GPM6A: variants seen among roughly 807,000 people sequenced by gnomAD.
The protein encoded by GPM6A is glycoprotein M6A.
GPM6A carries 7 observed loss-of-function variants against 32.1 expected under a neutral mutation model. The ratio of observed to expected loss-of-function variants is 0.22; its 90% CI spans 0.12 to 0.41. The LOEUF (loss-of-function observed/expected upper bound fraction) is 0.41. GPM6A is among the 10% of genes least tolerant of loss of function. GPM6A has a pLI of 1.00. For missense variants in GPM6A, 235 were observed against 347.2 expected, an observed-to-expected ratio of 0.68 and a Z score of 2.57; for synonymous variants, 130 against 123.4, an observed-to-expected ratio of 1.05 and a Z score of -0.35.
intron 1 of GPM6A, among the ~76,000 whole-genome samples, chr4:175,964,530 T>C (rs1391847814): frequency 6.6e-6 from 1 of 152,228 alleles, no homozygotes; most frequent in East Asian, 1.9e-4. Context: ...TTCTTTCTCC[T>C]TGGCTTGAAG....
Position 175,772,387 on chromosome 4 carries a change from A to G in GPM6A, c.37+39804T>C, listed in dbSNP as rs1175274530. ...GGTTAGGAGGATGAAGAGCAATGTG[A>G]GAGAAGAATGTCGCATGCTTGCAAG... On this transcript the variant is annotated intron_variant, in intron 1 of 6. Coordinates refer to ENST00000393658, the MANE Select transcript of GPM6A (RefSeq NM_201591.3). Among the ~76,000 whole-genome samples the G allele has an allele frequency of 2.0e-5, 3 of 152,196 alleles. No individual in the cohort carries two copies. The East Asian group carries it at 5.8e-4, about 29-fold the overall frequency.
chr4:175,892,013 T>C (rs1318971497), intron 1 of GPM6A, among the ~76,000 whole-genome samples: 2 of 152,220 alleles, frequency 1.3e-5, no homozygotes, highest in Non-Finnish European at 2.9e-5. Flanking sequence ...GTATGTGTGT[T>C]GACACAGACT....
intron 1 of GPM6A, among the ~76,000 whole-genome samples, chr4:175,846,087 C>A (rs2111393712): frequency 6.6e-6 from 1 of 152,138 alleles, no homozygotes; most frequent in South Asian, 2.1e-4. Flanking sequence ...TCTTTTCAAG[C>A]CCTAATGTGT....
In GPM6A at chr4:175,743,201, AAG is replaced by A. The variant is rs1491010398; in HGVS notation, c.38-41436_38-41435del. On this transcript the variant is annotated intron_variant, in intron 1 of 6. Transcript: ENST00000393658. Reference sequence around the variant, plus strand: ...CTAGATTAACACTGATTAAAAAAAAAAGTATGTGGTTCAAAATATAAGTACAA... The same window carrying A: ...CTAGATTAACACTGATTAAAAAAAAATATGTGGTTCAAAATATAAGTACAA... 9.3e-5 allele frequency among the ~76,000 whole-genome samples: 14 copies of A among 151,074 alleles called. No homozygotes were observed. The East Asian group carries it at 1.7e-3, about 18-fold the overall frequency.
chr4:175,944,820 C>G (rs147900586), intron 1 of GPM6A, among the ~76,000 whole-genome samples: 45 of 152,150 alleles, frequency 3.0e-4, no homozygotes, highest in African/African-American at 8.7e-4. Context: ...AGGAAACCAG[C>G]GCAACACTAT....
chr4:175,886,855 C>T (rs1737476463), intron 1 of GPM6A, among the ~76,000 whole-genome samples: 1 of 151,726 alleles, frequency 6.6e-6, no homozygotes, highest in Non-Finnish European at 1.5e-5. Context: ...TTTTGGAAAT[C>T]TGTCTATGTC....
intron 1 of GPM6A, among the ~76,000 whole-genome samples, chr4:175,968,755 A>C (rs1369260142): frequency 6.6e-6 from 1 of 152,226 alleles, no homozygotes; most frequent in East Asian, 1.9e-4. Context: ...AGAATGGCAA[A>C]AATCCAAAAC....
At chr4:175,715,936 A>G (rs1190342058) in intron 1 of GPM6A, among the ~76,000 whole-genome samples, 2 of 152,108 alleles carry the variant, frequency 1.3e-5, no homozygotes, top group Non-Finnish European at 2.9e-5. Context: ...GTGGTGGCAC[A>G]TGCCTGTAAT....
intron 1 of GPM6A, among the ~76,000 whole-genome samples, chr4:175,859,300 T>A (rs976532048): frequency 1.3e-5 from 2 of 151,966 alleles, no homozygotes; most frequent in Non-Finnish European, 2.9e-5. Flanking sequence ...AAAAAAGAAA[T>A]CCAAAGAAAT....
rs562917824 is a variant in GPM6A at position 175,700,650 on chromosome 4, A to G, written c.230+925T>C. 8.5e-5 allele frequency among the ~76,000 whole-genome samples: 13 copies of G among 152,342 alleles called. No homozygotes were observed. In the East Asian group the frequency reaches 2.3e-3, roughly 27 times the overall value. On this transcript the variant is annotated intron_variant, in intron 2 of 6. Coordinates refer to ENST00000393658, the MANE Select transcript of GPM6A (RefSeq NM_201591.3). ...TGAGTTTATTTAGAATGACAAAATA[A>G]AGGAACATGAAGAAGATTACAAACA...
chr4:175,811,207 G>A (rs377341755), intron 1 of GPM6A, among the ~76,000 whole-genome samples: 6 of 151,984 alleles, frequency 3.9e-5, no homozygotes, highest in Non-Finnish European at 8.8e-5. Flanking sequence ...AGTTTTTTAC[G>A]ATAAGTGCCT....
chr4:175,743,959 CA>C (rs71593723), intron 1 of GPM6A, among the ~76,000 whole-genome samples: 32,742 of 115,984 alleles, frequency 0.28, 3,826 homozygotes, highest in Non-Finnish European at 0.31. Flanking sequence ...TCTAATAGGA[CA>C]AAAAAAAAAA....
intron 1 of GPM6A, among the ~76,000 whole-genome samples, chr4:175,808,250 A>G (rs1734778532): frequency 6.6e-6 from 1 of 152,170 alleles, no homozygotes. Context: ...TATTAAATAT[A>G]CTTTATATTA....
intron 1 of GPM6A, among the ~76,000 whole-genome samples, chr4:175,985,204 C>T (rs1424516461): frequency 2.6e-5 from 4 of 152,110 alleles, no homozygotes; most frequent in African/African-American, 9.7e-5. Context: ...TGTACACACA[C>T]ATATTTGAAA....
intron 1 of GPM6A, among the ~76,000 whole-genome samples, chr4:175,820,711 C>G (rs1039839015): frequency 2.0e-5 from 3 of 151,882 alleles, no homozygotes; most frequent in African/African-American, 7.3e-5. Context: ...TGTTGGCCGG[C>G]TGGTCTCAAA....
chr4:175,765,651 C>T (rs1470044958), intron 1 of GPM6A, among the ~76,000 whole-genome samples: 4 of 152,070 alleles, frequency 2.6e-5, no homozygotes, highest in Non-Finnish European at 5.9e-5. Context: ...TATTTTTATA[C>T]CCATATGTCA....
At chr4:175,648,336 T>C (rs1741591999) in intron 4 of GPM6A, among the ~76,000 whole-genome samples, 1 of 152,132 alleles carries the variant, frequency 6.6e-6, no homozygotes, top group African/African-American at 2.4e-5. Flanking sequence ...ACTCCGGAAC[T>C]TGTACCTGTG....
chr4:175,639,649 A>G (rs1023628408), intron 6 of GPM6A, among the ~76,000 whole-genome samples: 1 of 152,220 alleles, frequency 6.6e-6, no homozygotes, highest in Non-Finnish European at 1.5e-5. Context: ...AAGAAGATCT[A>G]AAGACTGGCT....
rs530511025 is a variant in GPM6A at position 175,889,800 on chromosome 4, G to A, written c.-22-77551C>T. On this transcript the variant is annotated intron_variant, in intron 1 of 7. Transcript: ENST00000280187. ...TGCACTCCAGCCTGGGTGACAGAGC[G>A]AGACTCCGTCTCAAACAAAACAAAA... Among the ~76,000 whole-genome samples the A allele has an allele frequency of 9.9e-5, 15 of 152,030 alleles. No homozygotes were observed. The South Asian group carries it at 3.1e-3, about 32-fold the overall frequency.
Sources: allele counts gnomAD v4.1 joint callset (sites outside exome capture counted in the v4.1 genomes callset), GRCh38; gene constraint gnomAD v4.1.1; transcripts MANE v1.5; gene names NCBI Gene and HGNC (gene_info 2026-07-23, HGNC 2026-07-21).